AXDND1: variants seen among roughly 807,000 people sequenced by gnomAD.
AXDND1 encodes the protein axonemal dynein light chain domain containing 1.
Under a neutral mutation model 137.5 loss-of-function variants are expected in AXDND1, and 110 were observed. That is an observed-to-expected ratio of 0.80 (90% CI 0.69 to 0.94). The LOEUF (loss-of-function observed/expected upper bound fraction) is 0.94, where lower values mean the gene tolerates loss of function less well. Among genes scored for constraint, AXDND1 ranks in the 40% least tolerant of loss-of-function variants. The pLI, the probability that AXDND1 is intolerant of heterozygous loss-of-function variation, is 0.00. For synonymous variants in AXDND1, 414 were observed against 399.7 expected, an observed-to-expected ratio of 1.04 and a Z score of -0.43; for missense variants, 1,191 against 1,169.8, an observed-to-expected ratio of 1.02 and a Z score of -0.26.
In AXDND1 at chr1:179,525,322, T is replaced by C. The variant is rs1670427203; in HGVS notation, c.2497-12T>C. On this transcript the variant is annotated splice_polypyrimidine_tract_variant and intron_variant, in intron 21 of 25. Coordinates refer to ENST00000367618, the MANE Select transcript of AXDND1 (RefSeq NM_144696.6). Reference sequence around the variant, plus strand: ...ATACACCCTTTAATCATAATATTGGTTCATCTCACAGGAGGCTGTAAAAGA... The same window carrying C: ...ATACACCCTTTAATCATAATATTGGCTCATCTCACAGGAGGCTGTAAAAGA... 1.9e-6 allele frequency: 3 copies of C among 1,600,930 alleles called. No individual in the cohort carries two copies. The highest frequency in any genetic ancestry group is 2.6e-6 in the Non-Finnish European group (3 of 1,174,786).
chr1:179,525,563 C>T (rs1670456991), intron 22 of AXDND1, 116 bp downstream of exon 22: 1 of 1,242,506 alleles, frequency 8.0e-7, no homozygotes, highest in Non-Finnish European at 1.1e-6. Context: ...GTGGTATCAT[C>T]ATAGCTCACT....
At chr1:179,455,611 A>G (rs1571908436) in intron 16 of AXDND1, 1 of 150,946 alleles carries the variant, frequency 6.6e-6, no homozygotes, top group Non-Finnish European at 1.5e-5. Flanking sequence ...AAAAAAAAAA[A>G]AAATTAAAAA....
In AXDND1 at chr1:179,379,546, C is replaced by G. The variant is rs113769955; in HGVS notation, c.581+64C>G. ...CGGTGGCCCATGCCTGTAATCCCAG[C>G]ACTTTGCGAGGCCAAGGCGGGTGGA... On this transcript the variant is annotated intron_variant, in intron 6 of 25. Transcript: ENST00000367618. The G allele has an allele frequency of 1.7e-3, 2,651 of 1,575,534 alleles. 53 individuals are homozygous for G. The African/African-American group carries it at 0.033, about 20-fold the overall frequency.
intron 15 of AXDND1, among the ~76,000 whole-genome samples, chr1:179,436,515 A>G (rs1190058259): frequency 2.0e-5 from 3 of 152,198 alleles, no homozygotes; most frequent in Non-Finnish European, 4.4e-5. Context: ...CAGCCATAGA[A>G]AGGAATGAGA....
chr1:179,455,868 G>GTTTGT (rs367654611), intron 16 of AXDND1: 6,262 of 191,828 alleles, frequency 0.033, 467 homozygotes, highest in African/African-American at 0.14. Flanking sequence ...TTAAGACATA[G>GTTTGT]TTTGTTTTGT....
chr1:179,537,564 G>C (rs902331458), intron 25 of AXDND1, among the ~76,000 whole-genome samples: 1 of 152,158 alleles, frequency 6.6e-6, no homozygotes, highest in African/African-American at 2.4e-5. Flanking sequence ...TGGTAGATAA[G>C]CTTTCTGATG....
intron 18 of AXDND1, among the ~76,000 whole-genome samples, chr1:179,488,653 T>C (rs893391004): frequency 0.046 from 5,326 of 116,116 alleles, 506 homozygotes; most frequent in East Asian, 0.071. Context: ...CTTTCTTTCT[T>C]TCTTTCTTTC....
At chr1:179,400,928 G>GA (rs1224121493) in intron 11 of AXDND1, among the ~76,000 whole-genome samples, 11 of 77,306 alleles carry the variant, frequency 1.4e-4, no homozygotes, top group Admixed American at 2.9e-4. Flanking sequence ...AAAAAAAAAA[G>GA]AAAAAAAAAA....
At chr1:179,532,226 A>G (rs750239022) in intron 23 of AXDND1, among the ~76,000 whole-genome samples, 11 of 152,208 alleles carry the variant, frequency 7.2e-5, no homozygotes, top group Non-Finnish European at 1.0e-4. Flanking sequence ...TTTTCCTAGC[A>G]TATCGTAACT....
intron 21 of AXDND1, among the ~76,000 whole-genome samples, chr1:179,524,567 A>C (rs1670366700): frequency 1.3e-5 from 2 of 152,148 alleles, no homozygotes; most frequent in South Asian, 4.1e-4. Flanking sequence ...TGTCTCTGTG[A>C]ATGGCATTGT....
chr1:179,523,479 C>A (rs1367113102), intron 21 of AXDND1, among the ~76,000 whole-genome samples: 1 of 152,012 alleles, frequency 6.6e-6, no homozygotes, highest in Admixed American at 6.6e-5. Flanking sequence ...CTATTGAATT[C>A]CAGAACATTT....
chr1:179,428,201 A>G (rs1033824805), intron 12 of AXDND1, among the ~76,000 whole-genome samples: 1 of 152,250 alleles, frequency 6.6e-6, no homozygotes, highest in East Asian at 1.9e-4. Context: ...CAGTAAATAC[A>G]TGATGTAAGA....
chr1:179,493,684 T>C (rs1286702482), intron 20 of AXDND1, among the ~76,000 whole-genome samples: 7 of 152,206 alleles, frequency 4.6e-5, no homozygotes, highest in Admixed American at 4.6e-4. Flanking sequence ...AATAATTCGC[T>C]GTATATTTCA....
chr1:179,455,675 G>A (rs986401314), intron 16 of AXDND1: 1 of 151,826 alleles, frequency 6.6e-6, no homozygotes, highest in Non-Finnish European at 1.5e-5. Flanking sequence ...GAATTTTGAT[G>A]AGATCACCTT....
chr1:179,520,871 G>GTT (rs1358568889), intron 21 of AXDND1, among the ~76,000 whole-genome samples: 1 of 147,700 alleles, frequency 6.8e-6, no homozygotes, highest in African/African-American at 2.5e-5. Context: ...TATATATACA[G>GTT]TTATATATAT....
At chr1:179,430,935 C>T (rs1212457054) in intron 14 of AXDND1, among the ~76,000 whole-genome samples, 2 of 152,144 alleles carry the variant, frequency 1.3e-5, no homozygotes, top group African/African-American at 4.8e-5. Context: ...ATCTGCAAAT[C>T]ATATGCAGAG....
intron 21 of AXDND1, among the ~76,000 whole-genome samples, chr1:179,520,856 G>GTATA (rs761563327): frequency 6.8e-6 from 1 of 146,880 alleles, no homozygotes; most frequent in African/African-American, 2.5e-5. Context: ...ACTAGTAACT[G>GTATA]TATATATATA....
intron 9 of AXDND1, among the ~76,000 whole-genome samples, chr1:179,392,608 C>T (rs187394702): frequency 6.6e-6 from 1 of 152,160 alleles, no homozygotes; most frequent in East Asian, 1.9e-4. Context: ...TAAAAGTGTT[C>T]TCTTTTCACC....
At position 179,534,799 on chromosome 1, in the gene AXDND1, C is replaced by T; in HGVS notation, c.2868C>T (p.Thr956=). Reference sequence around the variant, plus strand: ...ATGCATATGAGAAACTTCATCATACCCTTATAAAAAATAAAGATCTAGAGG... The same window carrying T: ...ATGCATATGAGAAACTTCATCATACTCTTATAAAAAATAAAGATCTAGAGG... ...FEDAYEKLHH[T]LIKNKDLEEL... The change falls in exon 25 of 26, where the codon ACC becomes ACT. Residue 956 remains threonine, a synonymous_variant. Coordinates refer to ENST00000367618, the MANE Select transcript of AXDND1 (RefSeq NM_144696.6). The T allele has an allele frequency of 1.2e-6, 2 of 1,605,910 alleles. No individual in the cohort carries two copies. Among genetic ancestry groups the T allele is most frequent in the Non-Finnish European group, 1.7e-6 (2 of 1,178,260 alleles).
Sources: gnomAD v4.1 joint callset for allele counts (sites outside exome capture counted in the v4.1 genomes callset) on GRCh38, gnomAD v4.1.1 for gene constraint, MANE v1.5 for transcripts, NCBI Gene and HGNC (gene_info 2026-07-23, HGNC 2026-07-21) for gene names.